BRINP1: variants seen among roughly 807,000 people sequenced by gnomAD.
The protein encoded by BRINP1 is BMP/retinoic acid-inducible neural-specific protein 1.
A neutral mutation model predicts 72.9 loss-of-function variants in BRINP1; 17 were observed. That is an observed-to-expected ratio of 0.23 (90% CI 0.16 to 0.35). The LOEUF (loss-of-function observed/expected upper bound fraction) is 0.35, where lower values mean the gene tolerates loss of function less well. Ranked by LOEUF, BRINP1 falls within the 10% of genes least tolerant of loss-of-function variation. BRINP1 has a pLI of 1.00. For synonymous variants in BRINP1, 418 were observed against 378.5 expected (o/e 1.10, Z -1.21); for missense variants, 850 against 1,001.6 (o/e 0.85, Z 2.04).
At chr9:119,330,209 T>A (rs1246070122) in intron 1 of BRINP1, among the ~76,000 whole-genome samples, 1 of 152,172 alleles carries the variant, frequency 6.6e-6, no homozygotes, top group Non-Finnish European at 1.5e-5. Flanking sequence ...ACCAGAGCCA[T>A]CTAATTTCCC....
intron 7 of BRINP1, among the ~76,000 whole-genome samples, chr9:119,181,221 G>A (rs1477838818): frequency 6.6e-6 from 1 of 152,162 alleles, no homozygotes; most frequent in Non-Finnish European, 1.5e-5. Flanking sequence ...TAGTTAGACT[G>A]TATAATAACA....
intron 5 of BRINP1, among the ~76,000 whole-genome samples, chr9:119,219,090 A>G (rs1383593046): frequency 6.6e-6 from 1 of 152,148 alleles, no homozygotes; most frequent in African/African-American, 2.4e-5. Context: ...CAGACACCAT[A>G]TCTGCTGGTA....
intron 3 of BRINP1, among the ~76,000 whole-genome samples, chr9:119,245,437 G>A (rs10984452): frequency 0.05 from 7,568 of 152,286 alleles, 616 homozygotes; most frequent in African/African-American, 0.17. Context: ...CAGGCACCCA[G>A]TCTCCAAGGT....
intron 3 of BRINP1, among the ~76,000 whole-genome samples, chr9:119,247,428 G>A (rs1187345749): frequency 6.6e-6 from 1 of 151,874 alleles, no homozygotes. Context: ...CAAGACGGGC[G>A]GATCACGAGG....
At chr9:119,169,854 C>A (rs1345058775) in intron 7 of BRINP1, among the ~76,000 whole-genome samples, 6 of 152,106 alleles carry the variant, frequency 3.9e-5, no homozygotes, top group African/African-American at 1.5e-4. Context: ...CTGGGAGGCA[C>A]CCCGCCAGCA....
rs58381406 is a variant in BRINP1 at position 119,285,201 on chromosome 9, CAAAAAA to C, written c.218+27931_218+27936del. 3.0e-3 allele frequency among the ~76,000 whole-genome samples: 363 copies of C among 121,154 alleles called. 2 individuals carry two copies. The highest frequency in any genetic ancestry group is 4.5e-3 in the South Asian group (17 of 3,750). The allele number at this position is 121,154 out of a possible 152,430, so 79.5% of individuals were successfully genotyped here. ...ATACTAATCAAGTTCTTGCAGGCAT[CAAAAAA>C]AAAAAAAAAAAAAATAGGTTGTAGA... On this transcript the variant is annotated intron_variant, in intron 2 of 7. Transcript: ENST00000265922.
At chr9:119,291,927 G>A (rs922453014) in intron 2 of BRINP1, among the ~76,000 whole-genome samples, 3 of 152,194 alleles carry the variant, frequency 2.0e-5, no homozygotes, top group African/African-American at 7.2e-5. Flanking sequence ...AGCATGGTGA[G>A]TTGGTTGTTT....
intron 7 of BRINP1, 57 bp from the exon 8 acceptor site, chr9:119,168,281 A>G: frequency 7.3e-7 from 1 of 1,364,672 alleles, no homozygotes; most frequent in Non-Finnish European, 9.7e-7. Flanking sequence ...TCTGTGAGTT[A>G]CAGTTATCCA....
chr9:119,240,984 G>A (rs948102467), intron 4 of BRINP1, among the ~76,000 whole-genome samples: 1 of 152,206 alleles, frequency 6.6e-6, no homozygotes, highest in Non-Finnish European at 1.5e-5. Context: ...AAAACCCTCA[G>A]AAGAGCAAAC....
intron 2 of BRINP1, among the ~76,000 whole-genome samples, chr9:119,276,525 A>T (rs1193365750): frequency 2.0e-5 from 3 of 152,224 alleles, no homozygotes; most frequent in Non-Finnish European, 2.9e-5. Context: ...ATTTGTAATT[A>T]CTGCAGAAGG....
chr9:119,305,925 G>T (rs1163322293), intron 2 of BRINP1, among the ~76,000 whole-genome samples: 1 of 152,186 alleles, frequency 6.6e-6, no homozygotes. Context: ...TAAGCTGCAG[G>T]TGCCCCAGAT....
chr9:119,363,176 C>T (rs1390690854), intron 1 of BRINP1, among the ~76,000 whole-genome samples: 3 of 152,176 alleles, frequency 2.0e-5, no homozygotes, highest in Admixed American at 6.5e-5. Context: ...AATCACAGAT[C>T]ACTGCAGCCT....
intron 7 of BRINP1, among the ~76,000 whole-genome samples, chr9:119,191,894 A>C (rs1325016764): frequency 1.3e-5 from 2 of 151,988 alleles, no homozygotes; most frequent in African/African-American, 4.8e-5. Context: ...ACTGGCATAA[A>C]AAAACAGAAA....
At chr9:119,226,638 G>A (rs755437724) in intron 5 of BRINP1, among the ~76,000 whole-genome samples, 17 of 149,072 alleles carry the variant, frequency 1.1e-4, no homozygotes, top group Non-Finnish European at 1.6e-4. Context: ...CTCCTGGGTT[G>A]CTGCAAAGCC....
At chr9:119,286,878 A>G (rs1291225779) in intron 2 of BRINP1, among the ~76,000 whole-genome samples, 1 of 152,204 alleles carries the variant, frequency 6.6e-6, no homozygotes, top group Non-Finnish European at 1.5e-5. Flanking sequence ...CGGTTATTCA[A>G]TAAAAAATGA....
At chr9:119,321,132 C>A (rs1420242643) in intron 1 of BRINP1, among the ~76,000 whole-genome samples, 4 of 152,256 alleles carry the variant, frequency 2.6e-5, no homozygotes, top group Non-Finnish European at 4.4e-5. Flanking sequence ...AGGGTTTCAC[C>A]GTGTTAGCCA....
rs537722321 is a variant in BRINP1 at position 119,261,681 on chromosome 9, C to G, written c.219-12531G>C. ...GCCTACAAAAGGCCACTGCCAACAA[C>G]CAACGTGGTATTTCTGCAAGCTCAC... On this transcript the variant is annotated intron_variant, in intron 2 of 7. Coordinates refer to ENST00000265922, the MANE Select transcript of BRINP1 (RefSeq NM_014618.3). Among the ~76,000 whole-genome samples, 10 of 152,298 alleles carry G rather than the reference C, an allele frequency of 6.6e-5. No individual in the cohort carries two copies. The South Asian group carries it at 1.2e-3, about 19-fold the overall frequency.
rs1831515980 is a variant in BRINP1, at chr9:119,352,439, T to C, written c.-51+16617A>G. Among the ~76,000 whole-genome samples the C allele has an allele frequency of 1.3e-5, 2 of 152,192 alleles. 1 individual carries two copies. Among genetic ancestry groups the C allele is most frequent in the South Asian group, 4.1e-4 (2 of 4,826 alleles). ...TATGATTTCTAAGATGTGATTTTCT[T>C]TTTTTCTTTTTTGAGATAAAGTCTC... On this transcript the variant is annotated intron_variant, in intron 1 of 7. Transcript: ENST00000265922.
At chr9:119,281,815 T>G (rs1304083722) in intron 2 of BRINP1, among the ~76,000 whole-genome samples, 1 of 152,226 alleles carries the variant, frequency 6.6e-6, no homozygotes, top group Non-Finnish European at 1.5e-5. Flanking sequence ...TTTTTCCAGA[T>G]CAGTACACAT....
Sources: allele counts gnomAD v4.1 joint callset (sites outside exome capture counted in the v4.1 genomes callset), GRCh38; gene constraint gnomAD v4.1.1; transcripts MANE v1.5; gene names NCBI Gene and HGNC (gene_info 2026-07-23, HGNC 2026-07-21).